Variants in SLC18A1 observed in about 807,000 individuals in gnomAD.
The protein encoded by SLC18A1 is solute carrier family 18 member A1, also known as chromaffin granule amine transporter.
A neutral mutation model predicts 53.7 loss-of-function variants in SLC18A1; 69 were observed. The observed-to-expected ratio is 1.28, with a 90% CI of 1.06 to 1.57. SLC18A1 has a LOEUF of 1.57. Among genes scored for constraint, SLC18A1 ranks in the 40% most tolerant of loss-of-function variants. The probability of loss-of-function intolerance (pLI) is 0.00; values close to 1 mark genes in which losing one functional copy is unlikely to be tolerated. For synonymous variants in SLC18A1, 320 were observed against 248.1 expected (o/e 1.29, Z -2.72); for missense variants, 932 against 668.1 (o/e 1.40, Z -4.35).
At chr8:20,180,108 T>TTTGTG (rs1554541270) in intron 2 of SLC18A1, among the ~76,000 whole-genome samples, 2 of 146,078 alleles carry the variant, frequency 1.4e-5, no homozygotes, top group Admixed American at 1.4e-4. Flanking sequence ...AAGATTATAA[T>TTTGTG]TGTGTGTGTG....
At chr8:20,182,382 T>C (rs2072451413) in intron 1 of SLC18A1, among the ~76,000 whole-genome samples, 2 of 152,206 alleles carry the variant, frequency 1.3e-5, no homozygotes, top group Admixed American at 6.5e-5. Flanking sequence ...GAAAATACTA[T>C]TACTATAACG....
chr8:20,146,720 A>T (rs2071409880), intron 15 of SLC18A1, among the ~76,000 whole-genome samples: 1 of 151,924 alleles, frequency 6.6e-6, no homozygotes, highest in Admixed American at 6.6e-5. Context: ...GCTACTTGGG[A>T]TGCCAAGGCA....
chr8:20,147,464 T>G (rs1403800492), intron 14 of SLC18A1, 73 bp from the exon 15 acceptor site: 1 of 1,575,906 alleles, frequency 6.3e-7, no homozygotes, highest in Non-Finnish European at 8.6e-7. Flanking sequence ...TAGGACACTA[T>G]GCTAGGGGCA....
intron 4 of SLC18A1, among the ~76,000 whole-genome samples, chr8:20,174,773 G>A (rs1180657812): frequency 6.6e-6 from 1 of 152,158 alleles, no homozygotes; most frequent in East Asian, 1.9e-4. Flanking sequence ...CAGTGTCCTA[G>A]GCTGGAAACT....
At chr8:20,167,505 G>A (rs1046872587) in intron 8 of SLC18A1, among the ~76,000 whole-genome samples, 6 of 152,114 alleles carry the variant, frequency 3.9e-5, no homozygotes, top group Non-Finnish European at 8.8e-5. Context: ...GGCTGGAAGT[G>A]GAGGTCTCAG....
intron 15 of SLC18A1, among the ~76,000 whole-genome samples, chr8:20,146,194 C>A (rs1236549657): frequency 6.6e-6 from 1 of 152,110 alleles, no homozygotes; most frequent in African/African-American, 2.4e-5. Context: ...GGATTACAGG[C>A]GTGAGCCACC....
In SLC18A1 at chr8:20,178,612, G is replaced by T. The variant is rs2072316112; in HGVS notation, c.489-119C>A. On this transcript the variant is annotated intron_variant, in intron 3 of 15. Coordinates refer to ENST00000276373, the MANE Select transcript of SLC18A1 (RefSeq NM_003053.4). Reference sequence around the variant, plus strand: ...GCTATTTGGGTGTATGGTAAAACATGCCTCTGAATGTAGTGTGGAGATGAA... The same window carrying T: ...GCTATTTGGGTGTATGGTAAAACATTCCTCTGAATGTAGTGTGGAGATGAA... 2.0e-5 allele frequency: 14 copies of T among 715,072 alleles called. No homozygotes were observed. In the South Asian group the frequency reaches 2.4e-4, roughly 12 times the overall value. The allele number at this position is 715,072 out of a possible 1,614,324, so 44.3% of individuals were successfully genotyped here.
rs2072418503 is a variant in SLC18A1 at position 20,181,099 on chromosome 8, A to G, written c.-123-12T>C. 5 of 1,022,386 alleles carry G rather than the reference A, an allele frequency of 4.9e-6. No individual in the cohort carries two copies. In the South Asian group the frequency reaches 8.5e-5, roughly 17 times the overall value. The allele number at this position is 1,022,386 out of a possible 1,614,324, so 63.3% of individuals were successfully genotyped here. A position where few individuals can be genotyped will look rare whatever the true frequency, so the allele number is the denominator to read the frequency against. The stretch of plus-strand genomic sequence containing the variant: ...ACGAAGGAAACTCACTATTAAAACG[A>G]AAAGTGCAAAGGGTTGCAAGTAGTA... On this transcript the variant is annotated splice_polypyrimidine_tract_variant and intron_variant, in intron 1 of 15. Transcript: ENST00000276373.
At chr8:20,178,226 T>G (rs760854792) in intron 4 of SLC18A1, among the ~76,000 whole-genome samples, 2 of 152,188 alleles carry the variant, frequency 1.3e-5, no homozygotes, top group Non-Finnish European at 2.9e-5. Context: ...TGTTCTTCTA[T>G]AGCAGAATAG....
At chr8:20,157,461 C>T (rs1296539233) in intron 10 of SLC18A1, among the ~76,000 whole-genome samples, 17 of 152,066 alleles carry the variant, frequency 1.1e-4, no homozygotes, top group African/African-American at 2.9e-4. Flanking sequence ...AGATTGGTGC[C>T]GCAGACATTT....
chr8:20,178,418 G>T lies in SLC18A1; in HGVS notation c.547+17C>A. 1 of 1,601,378 alleles carries T rather than the reference G, an allele frequency of 6.2e-7. No homozygotes were observed. The highest frequency in any genetic ancestry group is 8.5e-7 in the Non-Finnish European group (1 of 1,172,524). ...GGTAATCAGTGAAGGGAAGAAAAGA[G>T]GAAGCAAATTACTTACTAACTGTGG... On this transcript the variant is annotated intron_variant, in intron 4 of 15. Transcript: ENST00000276373.
rs1198693153 is a variant in SLC18A1, at chr8:20,173,024, G to T, written c.724+12C>A. On this transcript the variant is annotated intron_variant, in intron 6 of 15. Transcript: ENST00000276373. The stretch of plus-strand genomic sequence containing the variant: ...CCCTCCCGAACCCAGAGCTCCAGCT[G>T]GTGCCACTTACCCAGCAACCCCAAG... The T allele has an allele frequency of 1.9e-6, 3 of 1,565,256 alleles. No homozygotes were observed. Among genetic ancestry groups the T allele is most frequent in the East Asian group, 4.7e-5 (2 of 42,592 alleles).
At chr8:20,148,734 T>G (rs1176306548) in intron 12 of SLC18A1, among the ~76,000 whole-genome samples, 1 of 152,156 alleles carries the variant, frequency 6.6e-6, no homozygotes, top group East Asian at 1.9e-4. Flanking sequence ...CCCAGGACAC[T>G]CACCCCTTAA....
chr8:20,174,328 A>ATG, intron 5 of SLC18A1, 33 bp downstream of exon 5: 4 of 1,430,932 alleles, frequency 2.8e-6, no homozygotes, highest in South Asian at 2.3e-5. Context: ...GCATGCCTGC[A>ATG]TGTGTGTGTG....
intron 5 of SLC18A1, 105 bp downstream of exon 5, chr8:20,174,256 A>C (rs1431599516): frequency 1.2e-6 from 1 of 866,880 alleles, no homozygotes; most frequent in African/African-American, 1.7e-5. Flanking sequence ...TATCCAGGTG[A>C]CATTTTCCTT....
Position 20,151,524 on chromosome 8 carries a change from T to A in SLC18A1, c.1016-780A>T, listed in dbSNP as rs549521617. Among the ~76,000 whole-genome samples, 3 of 152,294 alleles carry A rather than the reference T, an allele frequency of 2.0e-5. No homozygotes were observed. In the South Asian group the frequency reaches 6.2e-4, roughly 32 times the overall value. ...GGGATCTTGGATTAATTACTAAACCTTTCTGAGCCTTGGTTTCCACATCTG... is the reference window on the plus strand; with the variant it reads ...GGGATCTTGGATTAATTACTAAACCATTCTGAGCCTTGGTTTCCACATCTG... On this transcript the variant is annotated intron_variant, in intron 10 of 15. Transcript: ENST00000276373.
chr8:20,174,831 T>C (rs1173696753), intron 4 of SLC18A1, among the ~76,000 whole-genome samples: 1 of 152,232 alleles, frequency 6.6e-6, no homozygotes, highest in Admixed American at 6.5e-5. Context: ...AATCCAGATC[T>C]GGTCTTTACC....
chr8:20,151,086 C>T (rs2071540569), intron 10 of SLC18A1: 1 of 239,680 alleles, frequency 4.2e-6, no homozygotes, highest in Non-Finnish European at 8.2e-6. Flanking sequence ...ATCCTCCCAG[C>T]TCAGCCTCCC....
intron 12 of SLC18A1, among the ~76,000 whole-genome samples, chr8:20,148,862 T>G (rs903992249): frequency 6.6e-6 from 1 of 152,180 alleles, no homozygotes; most frequent in African/African-American, 2.4e-5. Flanking sequence ...GCTCACCATG[T>G]GCCAGACACT....
Sources: allele counts gnomAD v4.1 joint callset (sites outside exome capture counted in the v4.1 genomes callset), GRCh38; gene constraint gnomAD v4.1.1; transcripts MANE v1.5; gene names NCBI Gene and HGNC (gene_info 2026-07-23, HGNC 2026-07-21).